Variants in DNAJA2 observed in about 807,000 individuals in gnomAD.
DNAJA2 encodes dnaJ homolog subfamily A member 2.
In DNAJA2, 6 loss-of-function variants were observed where a neutral mutation model predicts 49.3. The ratio of observed to expected loss-of-function variants is 0.12; its 90% CI spans 0.07 to 0.24. The LOEUF is 0.24. Ranked by LOEUF, DNAJA2 falls within the 10% of genes least tolerant of loss-of-function variation. The pLI, the probability that DNAJA2 is intolerant of heterozygous loss-of-function variation, is 1.00. For synonymous variants in DNAJA2, 160 were observed against 172.7 expected, an observed-to-expected ratio of 0.93 and a Z score of 0.58; for missense variants, 347 against 516.8, an observed-to-expected ratio of 0.67 and a Z score of 3.19.
chr16:46,967,408 A>T, intron 5 of DNAJA2, 105 bp downstream of exon 5: 1 of 1,405,682 alleles, frequency 7.1e-7, no homozygotes, highest in East Asian at 2.5e-5. Context: ...TTTCTTTAAT[A>T]AGATGTATAC....
chr16:46,973,018 G>A (rs1962079077), intron 1 of DNAJA2: 1 of 151,816 alleles, frequency 6.6e-6, no homozygotes, highest in African/African-American at 2.4e-5. Flanking sequence ...CTGTGGGGGC[G>A]GCCTCGACCT....
chr16:46,967,219 T>C (rs962113012), intron 5 of DNAJA2, among the ~76,000 whole-genome samples: 1 of 152,016 alleles, frequency 6.6e-6, no homozygotes, highest in African/African-American at 2.4e-5. Context: ...CCCACGCAGC[T>C]GGGACCACAG....
Position 46,955,520 on chromosome 16 carries a change from G to A in DNAJA2, c.*1509C>T, listed in dbSNP as rs1961796440. On this transcript the variant is annotated 3_prime_UTR_variant, in exon 9 of 9. Coordinates refer to ENST00000317089, the MANE Select transcript of DNAJA2 (RefSeq NM_005880.4). ...TGTAAAATATTTTTTGTACAATGGA[G>A]GTAGAGTGGATAGGTCAATAATTTA... 6.6e-6 allele frequency: 1 copy of A among 152,198 alleles called. No homozygotes were observed. Among genetic ancestry groups the A allele is most frequent in the Admixed American group, 6.5e-5 (1 of 15,276 alleles). 9.4% of individuals were successfully genotyped at this position (152,198 alleles called of 1,614,324 possible). A position where few individuals can be genotyped will look rare whatever the true frequency, so the allele number is the denominator to read the frequency against.
chr16:46,966,430 T>C (rs757659168), intron 5 of DNAJA2, among the ~76,000 whole-genome samples: 5 of 152,218 alleles, frequency 3.3e-5, no homozygotes. Context: ...AAATTTAAAA[T>C]AGTTCTCCAG....
intron 6 of DNAJA2, 77 bp downstream of exon 6, chr16:46,964,534 G>A: frequency 1.4e-6 from 2 of 1,426,220 alleles, no homozygotes; most frequent in Non-Finnish European, 1.9e-6. Flanking sequence ...ACTCCAAACA[G>A]ATCTAACCTA....
chr16:46,973,209 T>C (rs1962082017), intron 1 of DNAJA2, among the ~76,000 whole-genome samples: 3 of 151,940 alleles, frequency 2.0e-5, no homozygotes, highest in Admixed American at 6.5e-5. Context: ...CCCCCGGCGC[T>C]CGTTCAAGGA....
chr16:46,971,796 G>A (rs947627469), intron 2 of DNAJA2, 100 bp downstream of exon 2: 10 of 1,080,782 alleles, frequency 9.3e-6, no homozygotes, highest in Non-Finnish European at 1.4e-5. Context: ...GGCTGTGTGG[G>A]CATAGTTGGA....
chr16:46,971,296 C>T, intron 3 of DNAJA2, 53 bp downstream of exon 3: 1 of 1,510,516 alleles, frequency 6.6e-7, no homozygotes, highest in East Asian at 2.3e-5. Context: ...GAGTCATTAT[C>T]CCACTTGACA....
rs1027691927 is a variant in DNAJA2 at position 46,964,658 on chromosome 16, C to T, written c.727G>A (p.Val243Met). ...AAAAGAACAATGTCTCCGGGTTCCACTCCTGGGGCCTGGTCTGCTTCCCCA... is the reference window on the plus strand; with the variant it reads ...AAAAGAACAATGTCTCCGGGTTCCATTCCTGGGGCCTGGTCTGCTTCCCCA... ...FTGEADQAPG[V>M]EPGDIVLLLQ... The change falls in exon 6 of 9, where the codon GTG becomes ATG. Residue 243 changes from valine (V) to methionine (M), a missense_variant. By Grantham distance (21) the Val-to-Met change is conservative. Coordinates refer to ENST00000317089, the MANE Select transcript of DNAJA2 (RefSeq NM_005880.4). 6.2e-7 allele frequency: 1 copy of T among 1,613,798 alleles called. No homozygotes were observed. The highest frequency in any genetic ancestry group is 2.2e-5 in the East Asian group (1 of 44,890).
chr16:46,967,895 G>T (rs1006985897), intron 4 of DNAJA2, among the ~76,000 whole-genome samples, 189 bp downstream of exon 4: 1 of 152,088 alleles, frequency 6.6e-6, no homozygotes, highest in African/African-American at 2.4e-5. Flanking sequence ...CACCTCTCGG[G>T]TTCAAGCGAT....
At chr16:46,965,249 ACTTACAT>A (rs1961952705) in intron 5 of DNAJA2, among the ~76,000 whole-genome samples, 2 of 152,158 alleles carry the variant, frequency 1.3e-5, no homozygotes, top group African/African-American at 4.8e-5. Flanking sequence ...AATAACAAAA[ACTTACAT>A]CTTACTACTG....
intron 8 of DNAJA2, among the ~76,000 whole-genome samples, chr16:46,958,383 C>A (rs544584730): frequency 1.3e-5 from 2 of 152,116 alleles, no homozygotes; most frequent in South Asian, 2.1e-4. Flanking sequence ...CATGGTGAAA[C>A]CCTGTCTCTA....
intron 2 of DNAJA2, 62 bp downstream of exon 2, chr16:46,971,834 C>A: frequency 7.2e-7 from 1 of 1,394,028 alleles, no homozygotes; most frequent in South Asian, 1.2e-5. Flanking sequence ...TCCTCTTTTT[C>A]AAGGAGGGCA....
chr16:46,959,481 AT>A, intron 6 of DNAJA2, 62 bp from the exon 7 acceptor site: 1 of 1,447,906 alleles, frequency 6.9e-7, no homozygotes. Context: ...ACCCTGCAGC[AT>A]TATGTTCCTT....
chr16:46,958,876 C>T (rs901462788), intron 8 of DNAJA2, 127 bp downstream of exon 8: 15 of 1,013,102 alleles, frequency 1.5e-5, no homozygotes, highest in South Asian at 3.7e-5. Context: ...CCCAGGAGGT[C>T]GAGGCTGCAG....
intron 5 of DNAJA2, 41 bp downstream of exon 5, chr16:46,967,472 T>C: frequency 6.2e-7 from 1 of 1,611,980 alleles, no homozygotes; most frequent in Non-Finnish European, 8.5e-7. Flanking sequence ...GCATTCCCAA[T>C]CCATTCCAAC....
chr16:46,970,130 T>C (rs998782263), intron 3 of DNAJA2, among the ~76,000 whole-genome samples: 1 of 152,212 alleles, frequency 6.6e-6, no homozygotes, highest in African/African-American at 2.4e-5. Flanking sequence ...CTTCGGCCAC[T>C]GACATTTGCT....
chr16:46,973,447 C>A, intron 1 of DNAJA2, 48 bp downstream of exon 1: 1 of 1,536,644 alleles, frequency 6.5e-7, no homozygotes, highest in Non-Finnish European at 8.7e-7. Flanking sequence ...CATCCCTGGC[C>A]GCGCAGGCCC....
At chr16:46,959,480 C>T in intron 6 of DNAJA2, 61 bp from the exon 7 acceptor site, 1 of 1,445,632 alleles carries the variant, frequency 6.9e-7, no homozygotes, top group Non-Finnish European at 9.6e-7. Context: ...CACCCTGCAG[C>T]ATTATGTTCC....
Sources: gnomAD v4.1 joint callset for allele counts (sites outside exome capture counted in the v4.1 genomes callset) on GRCh38, gnomAD v4.1.1 for gene constraint, MANE v1.5 for transcripts, NCBI Gene and HGNC (gene_info 2026-07-23, HGNC 2026-07-21) for gene names.